The following LRP1B variants were observed in gnomAD, a reference collection of about 807,000 sequenced individuals.
LRP1B encodes LDL receptor related protein 1B.
LRP1B carries 217 observed loss-of-function variants against 556.6 expected under a neutral mutation model. The observed-to-expected ratio is 0.39, with a 90% confidence interval of 0.35 to 0.44. The LOEUF is 0.44. Ranked by LOEUF, LRP1B falls within the 20% of genes least tolerant of loss-of-function variation. The pLI, the probability that LRP1B is intolerant of heterozygous loss-of-function variation, is 1.00. For synonymous variants in LRP1B, 2,047 were observed against 1,865.8 expected, an observed-to-expected ratio of 1.10 and a Z score of -2.50; for missense variants, 5,053 against 5,620.8, an observed-to-expected ratio of 0.90 and a Z score of 3.23.
intron 1 of LRP1B, among the ~76,000 whole-genome samples, chr2:141,879,116 A>G: frequency 6.6e-6 from 1 of 152,062 alleles, no homozygotes; most frequent in Non-Finnish European, 1.5e-5. Flanking sequence ...ATTTATTTAC[A>G]TGCATAAAAT....
chr2:140,282,336 A>T (rs1682949017), intron 84 of LRP1B, among the ~76,000 whole-genome samples: 1 of 151,766 alleles, frequency 6.6e-6, no homozygotes, highest in African/African-American at 2.4e-5. Flanking sequence ...AGATGGTGTT[A>T]CCCTCTTTTT....
chr2:141,184,904 C>A (rs1681174579), intron 7 of LRP1B, among the ~76,000 whole-genome samples: 1 of 151,652 alleles, frequency 6.6e-6, no homozygotes, highest in South Asian at 2.1e-4. Context: ...TTTCTCAACA[C>A]TTTATTATAT....
intron 27 of LRP1B, among the ~76,000 whole-genome samples, chr2:140,853,430 G>C (rs1692521157): frequency 6.6e-6 from 1 of 151,956 alleles, no homozygotes; most frequent in African/African-American, 2.4e-5. Context: ...GTACTTTTTT[G>C]GGTAATCTGT....
At chr2:141,147,528 TAAA>T (rs1025404261) in intron 7 of LRP1B, among the ~76,000 whole-genome samples, 1 of 152,152 alleles carries the variant, frequency 6.6e-6, no homozygotes, top group Admixed American at 6.5e-5. Flanking sequence ...TTTTAATAAA[TAAA>T]AAAGTCTCAG....
intron 14 of LRP1B, among the ~76,000 whole-genome samples, chr2:141,013,329 C>A (rs535872086): frequency 3.3e-5 from 5 of 151,952 alleles, no homozygotes; most frequent in African/African-American, 1.2e-4. Context: ...TTGGAGAAAA[C>A]CTTAAACCTC....
intron 1 of LRP1B, among the ~76,000 whole-genome samples, chr2:141,995,467 C>G (rs1247404281): frequency 6.6e-6 from 1 of 152,092 alleles, no homozygotes; most frequent in Non-Finnish European, 1.5e-5. Context: ...ATTGGGCCCA[C>G]CTGGATAATC....
intron 2 of LRP1B, among the ~76,000 whole-genome samples, chr2:141,515,472 AT>A (rs1245997176): frequency 2.0e-5 from 3 of 152,166 alleles, no homozygotes; most frequent in Non-Finnish European, 4.4e-5. Context: ...GTGATTTTGC[AT>A]TTTTATTTGC....
intron 1 of LRP1B, among the ~76,000 whole-genome samples, chr2:141,828,828 A>G (rs574610749): frequency 1.3e-5 from 2 of 152,166 alleles, no homozygotes; most frequent in Admixed American, 6.5e-5. Context: ...ATAAAAAGGG[A>G]CTTTAAAAAT....
intron 41 of LRP1B, among the ~76,000 whole-genome samples, chr2:140,642,726 C>A (rs902233659): frequency 6.6e-6 from 1 of 152,126 alleles, no homozygotes; most frequent in African/African-American, 2.4e-5. Flanking sequence ...CGCCTGTAGT[C>A]CCAGCTACTC....
intron 1 of LRP1B, among the ~76,000 whole-genome samples, chr2:142,096,542 G>A (rs1706376861): frequency 6.6e-6 from 1 of 150,904 alleles, no homozygotes; most frequent in Non-Finnish European, 1.5e-5. Flanking sequence ...ATGATCCATA[G>A]GCCTCCTACT....
At chr2:141,670,222 G>A (rs1211320190) in intron 2 of LRP1B, among the ~76,000 whole-genome samples, 1 of 151,964 alleles carries the variant, frequency 6.6e-6, no homozygotes, top group Non-Finnish European at 1.5e-5. Context: ...TGAGCTCCTT[G>A]AGGGCTTTAG....
intron 66 of LRP1B, among the ~76,000 whole-genome samples, chr2:140,394,661 A>C (rs1684174164): frequency 6.6e-6 from 1 of 152,186 alleles, no homozygotes; most frequent in Non-Finnish European, 1.5e-5. Flanking sequence ...GAGAAGCTGG[A>C]AAATGTGATA....
intron 1 of LRP1B, among the ~76,000 whole-genome samples, chr2:141,909,966 T>C (rs1212531704): frequency 2.6e-5 from 4 of 151,994 alleles, no homozygotes; most frequent in African/African-American, 4.8e-5. Context: ...CATCTAGGGA[T>C]TAATGTATTT....
In LRP1B at chr2:141,450,259, A is replaced by C. The variant is rs1003419821; in HGVS notation, c.343+30137T>G. Among the ~76,000 whole-genome samples the C allele has an allele frequency of 2.0e-5, 3 of 152,318 alleles. No homozygotes were observed. In the South Asian group the frequency reaches 6.2e-4, roughly 32 times the overall value. On this transcript the variant is annotated intron_variant, in intron 3 of 90. Transcript: ENST00000389484. The stretch of plus-strand genomic sequence containing the variant: ...ACACATTTCATTAGTTCTGATATAC[A>C]AGCTAATAGTGAATAAGAGCACAGG...
intron 18 of LRP1B, among the ~76,000 whole-genome samples, chr2:140,975,798 G>T (rs1323374983): frequency 1.3e-5 from 2 of 152,060 alleles, no homozygotes; most frequent in East Asian, 3.9e-4. Flanking sequence ...ACTTAATCAG[G>T]AACTTTGCTT....
chr2:142,020,261 A>C (rs1474847212), intron 1 of LRP1B, among the ~76,000 whole-genome samples: 1 of 152,216 alleles, frequency 6.6e-6, no homozygotes, highest in Non-Finnish European at 1.5e-5. Context: ...TGGACCCTAA[A>C]GGATGATATG....
intron 86 of LRP1B, among the ~76,000 whole-genome samples, chr2:140,250,334 G>T (rs2104905234): frequency 6.6e-6 from 1 of 151,784 alleles, no homozygotes; most frequent in South Asian, 2.1e-4. Context: ...AAGTATCATT[G>T]GATCAGGAAC....
intron 1 of LRP1B, among the ~76,000 whole-genome samples, chr2:142,124,474 C>T (rs901767601): frequency 1.3e-5 from 2 of 151,504 alleles, no homozygotes; most frequent in Admixed American, 1.3e-4. Context: ...ATGATTTCCA[C>T]TATATATATT....
At chr2:141,527,830 G>A (rs1684741134) in intron 2 of LRP1B, among the ~76,000 whole-genome samples, 1 of 152,052 alleles carries the variant, frequency 6.6e-6, no homozygotes, top group Non-Finnish European at 1.5e-5. Flanking sequence ...AGCTTTTCCA[G>A]GCTTCTTAGA....
Sources: gnomAD v4.1 joint callset for allele counts (sites outside exome capture counted in the v4.1 genomes callset) on GRCh38, gnomAD v4.1.1 for gene constraint, MANE v1.5 for transcripts, NCBI Gene and HGNC (gene_info 2026-07-23, HGNC 2026-07-21) for gene names.